The following NCOA1 variants were observed in gnomAD, a reference collection of about 807,000 sequenced individuals.
NCOA1 encodes the protein Hin-2 protein.
A neutral mutation model predicts 150.9 loss-of-function variants in NCOA1; 35 were observed. The ratio of observed to expected loss-of-function variants is 0.23; its 90% CI spans 0.18 to 0.31. The LOEUF (loss-of-function observed/expected upper bound fraction) is 0.31. NCOA1 is among the 10% of genes least tolerant of loss of function. NCOA1 has a pLI of 1.00. For synonymous variants in NCOA1, 590 were observed against 630.0 expected (o/e 0.94, Z 0.95); for missense variants, 1,491 against 1,749.3 (o/e 0.85, Z 2.63).
At chr2:24,664,512 C>T (rs538726087) in intron 5 of NCOA1, among the ~76,000 whole-genome samples, 332 of 152,160 alleles carry the variant, frequency 2.2e-3, no homozygotes, top group African/African-American at 7.8e-3. Flanking sequence ...AGATCGAGAC[C>T]ATCCTGGCCA....
intron 19 of NCOA1, among the ~76,000 whole-genome samples, chr2:24,751,065 G>C: frequency 6.7e-6 from 1 of 148,684 alleles, no homozygotes; most frequent in African/African-American, 2.5e-5. Context: ...TCGTCTCACT[G>C]CAACCTCTGC....
At chr2:24,758,179 A>G (rs368509231) in intron 21 of NCOA1, 23 bp downstream of exon 21, 163 of 1,592,586 alleles carry the variant, frequency 1.0e-4, no homozygotes, top group Non-Finnish European at 1.4e-4. Flanking sequence ...CTCGCCACAC[A>G]CATGCCACAC....
At chr2:24,646,157 A>G (rs1670464772) in intron 4 of NCOA1, among the ~76,000 whole-genome samples, 1 of 152,168 alleles carries the variant, frequency 6.6e-6, no homozygotes, top group Admixed American at 6.5e-5. Context: ...AAACAATTTC[A>G]AATGTACCAA....
intron 8 of NCOA1, among the ~76,000 whole-genome samples, chr2:24,684,755 A>C (rs1487574057): frequency 6.6e-6 from 1 of 152,240 alleles, no homozygotes; most frequent in Non-Finnish European, 1.5e-5. Context: ...GGGCAAGCTC[A>C]GTAATAATAG....
intron 14 of NCOA1, among the ~76,000 whole-genome samples, chr2:24,715,965 AC>A (rs1345938898): frequency 6.6e-6 from 1 of 151,958 alleles, no homozygotes; most frequent in East Asian, 1.9e-4. Context: ...ACATGGTGAA[AC>A]CCCGTCTCTA....
chr2:24,563,016 A>T (rs1329435919), intron 1 of NCOA1, among the ~76,000 whole-genome samples: 2 of 152,210 alleles, frequency 1.3e-5, no homozygotes, highest in East Asian at 3.8e-4. Flanking sequence ...TTGCTGCCTT[A>T]TCCTTCGCTC....
chr2:24,588,662 C>T (rs989077237), intron 3 of NCOA1, among the ~76,000 whole-genome samples: 2 of 152,144 alleles, frequency 1.3e-5, no homozygotes, highest in African/African-American at 4.8e-5. Context: ...TTTTTTCACT[C>T]AGTCGTTTTG....
intron 3 of NCOA1, among the ~76,000 whole-genome samples, chr2:24,612,679 A>G (rs1011090076): frequency 6.6e-6 from 1 of 151,954 alleles, no homozygotes; most frequent in Non-Finnish European, 1.5e-5. Context: ...GGTCCAGTCT[A>G]TTGATAAAGC....
At chr2:24,627,527 C>T (rs1669486918) in intron 3 of NCOA1, among the ~76,000 whole-genome samples, 1 of 152,134 alleles carries the variant, frequency 6.6e-6, no homozygotes, top group South Asian at 2.1e-4. Context: ...ATTAGTAATG[C>T]AAACAGTTAT....
At chr2:24,494,371 TG>T (rs1663107624) in intron 1 of NCOA1, among the ~76,000 whole-genome samples, 1 of 152,218 alleles carries the variant, frequency 6.6e-6, no homozygotes, top group African/African-American at 2.4e-5. Flanking sequence ...TTGTCTTTTT[TG>T]CTGCGTCTCC....
intron 12 of NCOA1, among the ~76,000 whole-genome samples, chr2:24,705,523 A>G (rs1572618447): frequency 1.3e-5 from 2 of 152,324 alleles, no homozygotes; most frequent in Admixed American, 6.5e-5. Context: ...TGTGAATCTT[A>G]TAAGAGATTT....
chr2:24,620,671 C>G (rs1252181163), intron 3 of NCOA1, among the ~76,000 whole-genome samples: 1 of 152,066 alleles, frequency 6.6e-6, no homozygotes, highest in Non-Finnish European at 1.5e-5. Flanking sequence ...ATAATATAGA[C>G]AAATTTAATT....
intron 1 of NCOA1, among the ~76,000 whole-genome samples, chr2:24,493,804 C>T (rs1663081205): frequency 6.6e-6 from 1 of 152,180 alleles, no homozygotes; most frequent in Admixed American, 6.5e-5. Context: ...TGCCAGGAAG[C>T]TGTAAGGGTA....
At chr2:24,491,867 C>T (rs1468418522) in intron 1 of NCOA1, 2 of 151,742 alleles carry the variant, frequency 1.3e-5, no homozygotes, top group Non-Finnish European at 1.5e-5. Context: ...CTTCTCTCCG[C>T]CTCTTTTCCA....
chr2:24,533,814 G>A (rs1332742313), intron 1 of NCOA1, among the ~76,000 whole-genome samples: 1 of 151,842 alleles, frequency 6.6e-6, no homozygotes, highest in African/African-American at 2.4e-5. Flanking sequence ...TGGTGGATAA[G>A]CTTTTTGATG....
At chr2:24,561,073 G>T (rs991090607) in intron 1 of NCOA1, among the ~76,000 whole-genome samples, 1 of 152,158 alleles carries the variant, frequency 6.6e-6, no homozygotes, top group Non-Finnish European at 1.5e-5. Flanking sequence ...TCCTAACTTG[G>T]ATATCCAGGA....
chr2:24,591,254 T>C (rs538977917), intron 3 of NCOA1, among the ~76,000 whole-genome samples: 2 of 152,296 alleles, frequency 1.3e-5, no homozygotes, highest in South Asian at 4.1e-4. Context: ...AATTTAGAAC[T>C]CTTAAGTAAA....
At chr2:24,496,375 G>T (rs751358786) in intron 1 of NCOA1, among the ~76,000 whole-genome samples, 1 of 152,158 alleles carries the variant, frequency 6.6e-6, no homozygotes, top group Non-Finnish European at 1.5e-5. Flanking sequence ...AAAGTGCTAC[G>T]CAATGAAGAA....
intron 11 of NCOA1, 151 bp downstream of exon 11, chr2:24,697,949 A>T (rs1245210520): frequency 1.3e-5 from 11 of 847,054 alleles, no homozygotes; most frequent in Non-Finnish European, 1.9e-5. Flanking sequence ...GGGTAAGCAA[A>T]GTAATTCATG....
Sources: allele counts gnomAD v4.1 joint callset (sites outside exome capture counted in the v4.1 genomes callset), GRCh38; gene constraint gnomAD v4.1.1; transcripts MANE v1.5; gene names NCBI Gene and HGNC (gene_info 2026-07-23, HGNC 2026-07-21).